FBXL13: variants seen among roughly 807,000 people sequenced by gnomAD.
FBXL13 encodes the protein F-box and leucine rich repeat protein 13, also known as F-box and leucine-rich repeat protein 13.
A neutral mutation model predicts 83.6 loss-of-function variants in FBXL13; 67 were observed. The observed-to-expected ratio is 0.80, with a 90% CI of 0.66 to 0.98. The LOEUF is 0.98. FBXL13 is among the 50% of genes least tolerant of loss of function. The probability of loss-of-function intolerance (pLI) is 0.00; values close to 1 mark genes in which losing one functional copy is unlikely to be tolerated. For synonymous variants in FBXL13, 272 were observed against 299.5 expected (o/e 0.91, Z 0.95); for missense variants, 822 against 866.5 (o/e 0.95, Z 0.64).
chr7:102,983,444 G>A (rs1828527729), intron 6 of FBXL13, among the ~76,000 whole-genome samples: 2 of 143,488 alleles, frequency 1.4e-5, no homozygotes, highest in Non-Finnish European at 3.0e-5. Context: ...TTTTTGAGTG[G>A]GGTCTCGTTC....
chr7:102,812,631 G>A (rs1046157537), downstream of FBXL13, among the ~76,000 whole-genome samples: 2 of 152,078 alleles, frequency 1.3e-5, no homozygotes, highest in African/African-American at 4.8e-5. Flanking sequence ...GATCCTTAAA[G>A]TTATTCCCCT....
chr7:102,825,031 AG>A (rs1024434096), intron 18 of FBXL13, among the ~76,000 whole-genome samples: 8 of 152,252 alleles, frequency 5.3e-5, no homozygotes, highest in Non-Finnish European at 1.0e-4. Context: ...GATGTAGTTT[AG>A]TTTATCATTT....
intron 8 of FBXL13, among the ~76,000 whole-genome samples, chr7:102,938,116 G>T (rs1001773159): frequency 2.6e-5 from 4 of 152,202 alleles, no homozygotes; most frequent in Non-Finnish European, 5.9e-5. Context: ...ATAAATGTGA[G>T]ACTAATTGAA....
intron 6 of FBXL13, among the ~76,000 whole-genome samples, chr7:103,016,078 A>G (rs955980364): frequency 9.2e-5 from 14 of 152,204 alleles, no homozygotes; most frequent in Non-Finnish European, 2.1e-4. Flanking sequence ...TAAAATGGCC[A>G]TACTGCCCAA....
intron 9 of FBXL13, among the ~76,000 whole-genome samples, chr7:102,929,375 C>T (rs1454818053): frequency 3.9e-5 from 6 of 152,058 alleles, no homozygotes; most frequent in Non-Finnish European, 7.4e-5. Context: ...GAAATTAATT[C>T]TGTCAGCTGG....
chr7:102,871,418 C>T (rs1808517977), intron 16 of FBXL13, among the ~76,000 whole-genome samples: 1 of 151,784 alleles, frequency 6.6e-6, no homozygotes, highest in East Asian at 1.9e-4. Flanking sequence ...CAGGGTCTCA[C>T]TTTGTCACCC....
intron 1 of FBXL13, among the ~76,000 whole-genome samples, chr7:103,057,430 G>A (rs1797444357): frequency 6.6e-6 from 1 of 151,456 alleles, no homozygotes; most frequent in Non-Finnish European, 1.5e-5. Flanking sequence ...GGGTTGTTTT[G>A]TTCTGTTGTT....
At chr7:103,055,214 T>G in intron 2 of FBXL13, 36 bp from the exon 3 acceptor site, 6 of 1,088,902 alleles carry the variant, frequency 5.5e-6, no homozygotes, top group Non-Finnish European at 7.3e-6. Flanking sequence ...CAAAATTAAT[T>G]TCATTAATTA....
intron 17 of FBXL13, among the ~76,000 whole-genome samples, chr7:102,833,578 C>T (rs1051453676): frequency 6.6e-6 from 1 of 151,292 alleles, no homozygotes; most frequent in Non-Finnish European, 1.5e-5. Flanking sequence ...AGGCGTGCAC[C>T]ACCACGCCCG....
At chr7:102,814,740 C>T (rs1056829314) in intron 19 of FBXL13, among the ~76,000 whole-genome samples, 1 of 152,154 alleles carries the variant, frequency 6.6e-6, no homozygotes, top group South Asian at 2.1e-4. Flanking sequence ...AGTTTATTCT[C>T]TTCAGAGAAA....
At chr7:102,826,661 G>C (rs1799668114) in intron 18 of FBXL13, among the ~76,000 whole-genome samples, 2 of 142,664 alleles carry the variant, frequency 1.4e-5, no homozygotes, top group African/African-American at 5.2e-5. Context: ...GGAGGTTGAG[G>C]CTGCAGTGAG....
At chr7:102,976,031 C>T (rs1181959709) in intron 6 of FBXL13, 1 of 766,378 alleles carries the variant, frequency 1.3e-6, no homozygotes, top group Non-Finnish European at 2.4e-6. Context: ...CGAGGCCATG[C>T]CCCCTCTGCG....
At chr7:102,916,048 ATC>A (rs779985245) in intron 10 of FBXL13, among the ~76,000 whole-genome samples, 10 of 151,288 alleles carry the variant, frequency 6.6e-5, no homozygotes, top group Non-Finnish European at 1.2e-4. Flanking sequence ...CAATGGCATG[ATC>A]TCGGCTCACT....
intron 17 of FBXL13, among the ~76,000 whole-genome samples, chr7:102,841,211 T>C (rs1341974310): frequency 6.6e-6 from 1 of 151,348 alleles, no homozygotes; most frequent in African/African-American, 2.4e-5. Flanking sequence ...ATGTTTATTT[T>C]CCCTTTTTTT....
chr7:102,823,461 G>A (rs1165102465), intron 18 of FBXL13, among the ~76,000 whole-genome samples: 1 of 151,518 alleles, frequency 6.6e-6, no homozygotes, highest in Non-Finnish European at 1.5e-5. Context: ...GGAGAAAGAA[G>A]CAGAAGCCAC....
intron 17 of FBXL13, among the ~76,000 whole-genome samples, chr7:102,853,996 T>C (rs1350039612): frequency 4.6e-5 from 7 of 152,140 alleles, no homozygotes; most frequent in Non-Finnish European, 1.0e-4. Context: ...AGAAATACCA[T>C]TTGACCCAGC....
intron 6 of FBXL13, among the ~76,000 whole-genome samples, chr7:102,980,382 C>T (rs1828042477): frequency 6.6e-6 from 1 of 152,192 alleles, no homozygotes; most frequent in Non-Finnish European, 1.5e-5. Context: ...ATAAATGGGA[C>T]TGGGACAACT....
rs180818370 is a variant in FBXL13, at chr7:102,908,615, G to T, written c.1008+4471C>A. On this transcript the variant is annotated intron_variant, in intron 11 of 19. Coordinates refer to ENST00000313221, the Ensembl canonical transcript of FBXL13. ...TAATCTAAGCTGTATCTGCTTTAGG[G>T]GGCACCCCAAGCCCAGTAATGCTGT... is the stretch of plus-strand genomic sequence containing the variant. Among the ~76,000 whole-genome samples, 5 of 152,298 alleles carry T rather than the reference G, an allele frequency of 3.3e-5. No homozygotes were observed. The East Asian group carries it at 9.7e-4, about 29-fold the overall frequency.
intron 9 of FBXL13, among the ~76,000 whole-genome samples, chr7:102,927,551 A>G (rs1360321720): frequency 6.6e-6 from 1 of 152,230 alleles, no homozygotes; most frequent in African/African-American, 2.4e-5. Flanking sequence ...AGCATCTGTC[A>G]CACTCAGATA....
Sources: allele counts gnomAD v4.1 joint callset (sites outside exome capture counted in the v4.1 genomes callset), GRCh38; gene constraint gnomAD v4.1.1; transcripts MANE v1.5; gene names NCBI Gene and HGNC (gene_info 2026-07-23, HGNC 2026-07-21).